The following MROH9 variants were observed in gnomAD, a reference collection of about 807,000 sequenced individuals.
The protein encoded by MROH9 is maestro heat-like repeat-containing protein family member 9.
In MROH9, 92 loss-of-function variants were observed where a neutral mutation model predicts 98.2. That is an observed-to-expected ratio of 0.94 (90% CI 0.79 to 1.11). MROH9 has a LOEUF of 1.11. Among genes scored for constraint, MROH9 ranks in the 50% most tolerant of loss-of-function variants. The pLI, the probability that MROH9 is intolerant of heterozygous loss-of-function variation, is 0.00. For synonymous variants in MROH9, 397 were observed against 368.9 expected (o/e 1.08, Z -0.87); for missense variants, 1,057 against 1,014.8 (o/e 1.04, Z -0.57).
chr1:170,946,417 G>A (rs751177510), intron 2 of MROH9, among the ~76,000 whole-genome samples: 3 of 151,964 alleles, frequency 2.0e-5, no homozygotes, highest in East Asian at 1.9e-4. Context: ...GAGGAGACAC[G>A]CTGACTAAAT....
Position 170,938,510 on chromosome 1 carries a change from C to T in MROH9, c.-38+2923C>T, listed in dbSNP as rs145208373. On this transcript the variant is annotated intron_variant, in intron 1 of 21. Transcript: ENST00000367759. ...CTGAGTCTTCAAAAGGTCATTCCAC[C>T]GTTCCATCAAACAAGTGGCTTTAGG... 9.2e-5 allele frequency among the ~76,000 whole-genome samples: 14 copies of T among 152,276 alleles called. No individual in the cohort carries two copies. The East Asian group carries it at 2.1e-3, about 23-fold the overall frequency.
Position 170,965,256 on chromosome 1 carries a change from G to A in MROH9, c.480+1G>A, listed in dbSNP as rs752151689. 45 of 1,582,518 alleles carry A rather than the reference G, an allele frequency of 2.8e-5. No homozygotes were observed. Among genetic ancestry groups the A allele is most frequent in the Middle Eastern group, 1.7e-4 (1 of 6,010 alleles). On this transcript the variant is annotated splice_donor_variant, in intron 7 of 21. Transcript: ENST00000367759. LOFTEE classifies it high-confidence loss of function. The stretch of plus-strand genomic sequence containing the variant: ...TACAGTCACAAAAGTCAGAAAATAC[G>A]TAAGTCACAGAATATAACAATGCCA...
At chr1:171,031,653 G>A (rs1652918641) in intron 20 of MROH9, among the ~76,000 whole-genome samples, 1 of 152,116 alleles carries the variant, frequency 6.6e-6, no homozygotes, top group South Asian at 2.1e-4. Flanking sequence ...CGTACTTTTA[G>A]TCTTATGGGC....
chr1:170,972,834 A>ACACACACACG lies in MROH9; in HGVS notation c.616+960_616+961insGCACACACAC, dbSNP rs1650519715. On this transcript the variant is annotated intron_variant, in intron 8 of 21. Transcript: ENST00000367759. ...CTCAAAAAAAAAAAAAAAAATACAC[A>ACACACACACG]CACACACACACACACACACACACAC... Among the ~76,000 whole-genome samples the ACACACACACG allele has an allele frequency of 2.4e-5, 3 of 126,066 alleles. No individual in the cohort carries two copies. The South Asian group carries it at 7.3e-4, about 31-fold the overall frequency. The allele number at this position is 126,066 out of a possible 152,430, so 82.7% of individuals were successfully genotyped here.
intron 20 of MROH9, among the ~76,000 whole-genome samples, chr1:171,028,854 G>C (rs552970316): frequency 1.3e-5 from 2 of 152,126 alleles, no homozygotes; most frequent in African/African-American, 4.8e-5. Flanking sequence ...ATGAATGCTC[G>C]TAATTTTTGC....
chr1:171,012,736 A>C (rs1009819854), intron 15 of MROH9, among the ~76,000 whole-genome samples: 53 of 152,102 alleles, frequency 3.5e-4, no homozygotes, highest in South Asian at 1.0e-3. Flanking sequence ...ATCTTCTGAC[A>C]TCATGATCCG....
intron 20 of MROH9, among the ~76,000 whole-genome samples, chr1:171,051,223 C>T (rs1240970124): frequency 1.3e-5 from 2 of 152,128 alleles, no homozygotes; most frequent in Non-Finnish European, 2.9e-5. Flanking sequence ...TTTGACCCAA[C>T]AATCTCATTA....
Position 170,971,721 on chromosome 1 carries a change from G to C in MROH9, c.481-27G>C, listed in dbSNP as rs1356558135. 1.9e-6 allele frequency: 3 copies of C among 1,612,704 alleles called. No individual in the cohort carries two copies. In the African/African-American group the frequency reaches 4.0e-5, roughly 22 times the overall value. On this transcript the variant is annotated intron_variant, in intron 7 of 21. Coordinates refer to ENST00000367759, the MANE Select transcript of MROH9 (RefSeq NM_001163629.2). ...TTCATATTGGCTATGCATAGCAAAT[G>C]CATGTTCTCCTTTGTTTCTCCATTA... is the stretch of plus-strand genomic sequence containing the variant.
chr1:170,935,994 A>G (rs1169039805), intron 1 of MROH9, among the ~76,000 whole-genome samples: 1 of 141,346 alleles, frequency 7.1e-6, no homozygotes, highest in African/African-American at 3.0e-5. Flanking sequence ...AAAAAAAAAA[A>G]AAAAAAAAAA....
chr1:171,036,871 C>CTACTACT, intron 20 of MROH9, among the ~76,000 whole-genome samples: 1 of 149,952 alleles, frequency 6.7e-6, no homozygotes, highest in Admixed American at 6.6e-5. Flanking sequence ...TGGATGAAAG[C>CTACTACT]AGACACTACT....
intron 9 of MROH9, among the ~76,000 whole-genome samples, chr1:170,984,162 C>T (rs1651038000): frequency 6.6e-6 from 1 of 152,158 alleles, no homozygotes. Flanking sequence ...ATTTCCAGCA[C>T]CTTCCAGCCA....
At chr1:170,994,198 G>C (rs1182128214) in intron 12 of MROH9, among the ~76,000 whole-genome samples, 1 of 152,134 alleles carries the variant, frequency 6.6e-6, no homozygotes, top group African/African-American at 2.4e-5. Context: ...GACTGCATAT[G>C]TGGTGGTGAT....
chr1:170,983,594 A>T, intron 9 of MROH9, 60 bp downstream of exon 9: 1 of 970,170 alleles, frequency 1.0e-6, no homozygotes, highest in Non-Finnish European at 1.6e-6. Flanking sequence ...ACTCTTAGTA[A>T]CAATTTATTT....
In MROH9 at chr1:170,992,982, G is replaced by C. The variant is rs1651414678; in HGVS notation, c.1194+653G>C. Among the ~76,000 whole-genome samples, 4 of 152,202 alleles carry C rather than the reference G, an allele frequency of 2.6e-5. No individual in the cohort carries two copies. The South Asian group carries it at 8.3e-4, about 31-fold the overall frequency. The stretch of plus-strand genomic sequence containing the variant: ...AGTAAATTAAGGTCTTGCAGAGACA[G>C]AGTAGTATAAAGTTGGCATTGCTTC... On this transcript the variant is annotated intron_variant, in intron 12 of 21. Transcript: ENST00000367759.
intron 20 of MROH9, among the ~76,000 whole-genome samples, chr1:171,047,318 G>A (rs1487433866): frequency 1.3e-5 from 2 of 152,080 alleles, no homozygotes; most frequent in Non-Finnish European, 2.9e-5. Context: ...TTGCCCTCTT[G>A]AGGCTATTCT....
intron 12 of MROH9, among the ~76,000 whole-genome samples, chr1:170,993,395 C>A (rs773435676): frequency 2.0e-5 from 3 of 152,130 alleles, no homozygotes; most frequent in African/African-American, 7.2e-5. Context: ...TAAATTAAAG[C>A]CACATATGCC....
intron 1 of MROH9, among the ~76,000 whole-genome samples, chr1:170,940,047 A>G (rs993982499): frequency 1.3e-5 from 2 of 152,110 alleles, no homozygotes; most frequent in Non-Finnish European, 2.9e-5. Context: ...GCTCCATTCA[A>G]ATTAGCAGCT....
At chr1:171,029,843 T>C (rs1302471695) in intron 20 of MROH9, among the ~76,000 whole-genome samples, 2 of 152,208 alleles carry the variant, frequency 1.3e-5, no homozygotes, top group African/African-American at 2.4e-5. Context: ...TCCTTTTCAA[T>C]TGTTTGGAAT....
At chr1:171,017,302 G>A (rs1652356665) in intron 17 of MROH9, among the ~76,000 whole-genome samples, 1 of 152,216 alleles carries the variant, frequency 6.6e-6, no homozygotes, top group Admixed American at 6.5e-5. Context: ...GGAGAGGAAG[G>A]CAGAGCAGTG....
Sources: gnomAD v4.1 joint callset for allele counts (sites outside exome capture counted in the v4.1 genomes callset) on GRCh38, gnomAD v4.1.1 for gene constraint, MANE v1.5 for transcripts, NCBI Gene and HGNC (gene_info 2026-07-23, HGNC 2026-07-21) for gene names.